Variants in DIAPH3 observed in about 807,000 individuals in gnomAD.
DIAPH3 encodes the protein protein diaphanous homolog 3.
Under a neutral mutation model 144.3 loss-of-function variants are expected in DIAPH3, and 117 were observed. The observed-to-expected ratio is 0.81, with a 90% CI of 0.70 to 0.95. The LOEUF is 0.95. Ranked by LOEUF, DIAPH3 falls within the 40% of genes least tolerant of loss-of-function variation. DIAPH3 has a pLI of 0.00. For missense variants in DIAPH3, 1,421 were observed against 1,412.7 expected (o/e 1.01, Z -0.09); for synonymous variants, 519 against 488.9 (o/e 1.06, Z -0.81).
chr13:60,096,550 G>A (rs1378380299), intron 3 of DIAPH3, among the ~76,000 whole-genome samples: 1 of 152,184 alleles, frequency 6.6e-6, no homozygotes, highest in Admixed American at 6.5e-5. Context: ...TTATCTCTAG[G>A]TACGTCTTTC....
At chr13:59,718,776 T>A (rs2138887107) in intron 27 of DIAPH3, among the ~76,000 whole-genome samples, 1 of 152,300 alleles carries the variant, frequency 6.6e-6, no homozygotes, top group African/African-American at 2.4e-5. Context: ...GTAGGCTGTA[T>A]TCCAAGAAGG....
intron 4 of DIAPH3, among the ~76,000 whole-genome samples, chr13:60,087,357 T>C (rs772370125): frequency 1.3e-5 from 2 of 152,190 alleles, no homozygotes; most frequent in Non-Finnish European, 2.9e-5. Context: ...TAATGGCCTA[T>C]TGAGCTAGAG....
In DIAPH3 at chr13:60,102,403, C is replaced by T. The variant is rs1013559486; in HGVS notation, c.391-8671G>A. ...TTTCTATACTTGCTGCCTCTTTCAC[C>T]GTGCATGGAACATAATGGTCACTTT... On this transcript the variant is annotated intron_variant, in intron 3 of 27. Coordinates refer to ENST00000400324, the MANE Select transcript of DIAPH3 (RefSeq NM_001042517.2). Among the ~76,000 whole-genome samples, 6 of 152,270 alleles carry T rather than the reference C, an allele frequency of 3.9e-5. No homozygotes were observed. The East Asian group carries it at 7.7e-4, about 20-fold the overall frequency.
At chr13:59,793,697 T>A (rs1359925714) in intron 25 of DIAPH3, among the ~76,000 whole-genome samples, 1 of 152,146 alleles carries the variant, frequency 6.6e-6, no homozygotes, top group Non-Finnish European at 1.5e-5. Flanking sequence ...TTTTATTCAT[T>A]CCATGGCTTC....
chr13:59,948,629 A>G (rs1207138441), intron 17 of DIAPH3, among the ~76,000 whole-genome samples: 1 of 151,800 alleles, frequency 6.6e-6, no homozygotes, highest in African/African-American at 2.4e-5. Flanking sequence ...GTTTTTTCGT[A>G]TATATGTTGG....
chr13:59,808,663 T>G (rs983921785), intron 25 of DIAPH3, among the ~76,000 whole-genome samples: 3 of 152,170 alleles, frequency 2.0e-5, no homozygotes, highest in Non-Finnish European at 4.4e-5. Context: ...CATTACTGAC[T>G]AATGCAAGTT....
At chr13:59,920,546 AT>A (rs1566518389) in intron 18 of DIAPH3, among the ~76,000 whole-genome samples, 1 of 151,536 alleles carries the variant, frequency 6.6e-6, no homozygotes, top group African/African-American at 2.4e-5. Context: ...GTATATACAT[AT>A]ATATGTATAT....
At chr13:59,838,724 A>C (rs1178331840) in intron 23 of DIAPH3, 2 of 152,554 alleles carry the variant, frequency 1.3e-5, no homozygotes, top group African/African-American at 4.8e-5. Flanking sequence ...CATCATGTAC[A>C]TCAGAAGGAA....
At chr13:59,928,183 A>G (rs1401328347) in intron 17 of DIAPH3, among the ~76,000 whole-genome samples, 1 of 151,988 alleles carries the variant, frequency 6.6e-6, no homozygotes, top group Non-Finnish European at 1.5e-5. Flanking sequence ...GGTCTTGATT[A>G]TATTTTTTAT....
intron 27 of DIAPH3, among the ~76,000 whole-genome samples, chr13:59,772,906 C>A (rs926119797): frequency 1.3e-5 from 2 of 152,024 alleles, no homozygotes; most frequent in African/African-American, 4.8e-5. Flanking sequence ...CTTGTCACAG[C>A]TGTGTCACTA....
intron 11 of DIAPH3, among the ~76,000 whole-genome samples, chr13:59,991,494 T>C (rs760180374): frequency 1.3e-5 from 2 of 151,964 alleles, no homozygotes; most frequent in Non-Finnish European, 2.9e-5. Context: ...CAGTTCCAAC[T>C]AATCTGTCTC....
chr13:60,093,601 AT>A, intron 4 of DIAPH3, 26 bp downstream of exon 4: 2 of 1,457,854 alleles, frequency 1.4e-6, no homozygotes, highest in South Asian at 1.1e-5. Context: ...GTTCGGCAGT[AT>A]TTTTCAACTT....
chr13:59,666,497 T>C lies in DIAPH3; in HGVS notation c.*87A>G. On this transcript the variant is annotated 3_prime_UTR_variant, in exon 28 of 28. Coordinates refer to ENST00000400324, the MANE Select transcript of DIAPH3 (RefSeq NM_001042517.2). ...ATAATTTAAAACTATATAAAGTCAC[T>C]TACATAAAAGCAATTTTTTCAAGTG... The C allele has an allele frequency of 1.3e-6, 2 of 1,492,338 alleles. No homozygotes were observed. Among genetic ancestry groups the C allele is most frequent in the Non-Finnish European group, 1.8e-6 (2 of 1,100,254 alleles). The allele number at this position is 1,492,338 out of a possible 1,614,324, so 92.4% of individuals were successfully genotyped here. A position where few individuals can be genotyped will look rare whatever the true frequency, so the allele number is the denominator to read the frequency against.
At chr13:59,716,182 A>T (rs77556073) in intron 27 of DIAPH3, among the ~76,000 whole-genome samples, 80 of 77,642 alleles carry the variant, frequency 1.0e-3, no homozygotes, top group African/African-American at 3.3e-3. Context: ...CAAGAAACTT[A>T]TTTTTTTTTT....
intron 20 of DIAPH3, among the ~76,000 whole-genome samples, chr13:59,903,760 CTG>C (rs1212683134): frequency 6.6e-6 from 1 of 152,120 alleles, no homozygotes; most frequent in Non-Finnish European, 1.5e-5. Context: ...TTTAAAAACA[CTG>C]TTTTCATTTT....
chr13:59,932,714 A>G (rs1169618484), intron 17 of DIAPH3, among the ~76,000 whole-genome samples: 1 of 152,214 alleles, frequency 6.6e-6, no homozygotes, highest in Non-Finnish European at 1.5e-5. Flanking sequence ...CTCTTCTACC[A>G]TCTTCACTGC....
intron 17 of DIAPH3, among the ~76,000 whole-genome samples, chr13:59,964,519 C>T (rs2049946476): frequency 6.6e-6 from 1 of 152,020 alleles, no homozygotes; most frequent in Non-Finnish European, 1.5e-5. Context: ...TTCTACCACA[C>T]TATACCAAAG....
intron 27 of DIAPH3, among the ~76,000 whole-genome samples, chr13:59,726,595 A>G (rs1338714625): frequency 6.6e-6 from 1 of 152,008 alleles, no homozygotes; most frequent in Admixed American, 6.6e-5. Context: ...TATTTCTTCC[A>G]TTTGTACTTA....
chr13:59,993,702 T>TAAAAAAAAAAAAAAAAAAAAAAAAAAA (rs3078724), intron 9 of DIAPH3, among the ~76,000 whole-genome samples: 2 of 73,868 alleles, frequency 2.7e-5, no homozygotes, highest in African/African-American at 1.2e-4. Context: ...GAAACATACT[T>TAAAAAAAAAAAAAAAAAAAAAAAAAAA]AAAAAAAAAA....
Sources: gnomAD v4.1 joint callset for allele counts (sites outside exome capture counted in the v4.1 genomes callset) on GRCh38, gnomAD v4.1.1 for gene constraint, MANE v1.5 for transcripts, NCBI Gene and HGNC (gene_info 2026-07-23, HGNC 2026-07-21) for gene names.